The following NR3C2 variants were observed in gnomAD, a reference collection of about 807,000 sequenced individuals.
NR3C2 encodes mineralocorticoid receptor.
In NR3C2, 15 loss-of-function variants were observed where a neutral mutation model predicts 86.4. The observed-to-expected ratio is 0.17, with a 90% CI of 0.12 to 0.27. The LOEUF is 0.27. NR3C2 is among the 10% of genes least tolerant of loss of function. The pLI is 1.00. For missense variants in NR3C2, 960 were observed against 1,195.6 expected (o/e 0.80, Z 2.91); for synonymous variants, 458 against 450.5 (o/e 1.02, Z -0.21).
chr4:148,444,383 C>T (rs1750493553), upstream of NR3C2: 3 of 986,860 alleles, frequency 3.0e-6, no homozygotes, highest in South Asian at 1.4e-4. Context: ...GCGGGCAACT[C>T]GTCTCCTGCC....
At chr4:148,101,495 G>A (rs1176756471) in intron 8 of NR3C2, among the ~76,000 whole-genome samples, 1 of 152,142 alleles carries the variant, frequency 6.6e-6, no homozygotes, top group African/African-American at 2.4e-5. Context: ...GGAGAGGAAG[G>A]GTTCAGGACC....
chr4:148,106,714 T>C (rs1004891191), intron 8 of NR3C2, among the ~76,000 whole-genome samples: 1 of 152,016 alleles, frequency 6.6e-6, no homozygotes, highest in African/African-American at 2.4e-5. Context: ...ACACTGCACA[T>C]CTACAACCAT....
intron 3 of NR3C2, among the ~76,000 whole-genome samples, chr4:148,211,380 T>G (rs1737275017): frequency 6.6e-6 from 1 of 152,234 alleles, no homozygotes; most frequent in Non-Finnish European, 1.5e-5. Context: ...TTAAAAAGCT[T>G]TAGAATTTTT....
chr4:148,164,187 C>A (rs148408920), intron 4 of NR3C2, among the ~76,000 whole-genome samples: 71 of 152,274 alleles, frequency 4.7e-4, no homozygotes, highest in African/African-American at 6.5e-4. Context: ...TTTACTGTTA[C>A]AGACAGTTCA....
At chr4:148,242,499 G>A (rs536190976) in intron 3 of NR3C2, among the ~76,000 whole-genome samples, 4 of 152,338 alleles carry the variant, frequency 2.6e-5, no homozygotes, top group African/African-American at 7.2e-5. Context: ...TGAGCCACAT[G>A]TGAGAGGGGT....
intron 4 of NR3C2, among the ~76,000 whole-genome samples, chr4:148,180,362 T>A (rs1255985684): frequency 6.7e-6 from 1 of 148,410 alleles, no homozygotes; most frequent in Non-Finnish European, 1.5e-5. Flanking sequence ...TTTTTAAAAG[T>A]ATTGCACAGC....
At chr4:148,232,216 C>T (rs1485823965) in intron 3 of NR3C2, among the ~76,000 whole-genome samples, 4 of 152,176 alleles carry the variant, frequency 2.6e-5, no homozygotes, top group East Asian at 1.9e-4. Flanking sequence ...CCAGATCCAT[C>T]AGAGGAATCA....
At chr4:148,371,717 A>C (rs891442750) in intron 2 of NR3C2, among the ~76,000 whole-genome samples, 1 of 152,200 alleles carries the variant, frequency 6.6e-6, no homozygotes, top group Non-Finnish European at 1.5e-5. Flanking sequence ...GATAAAATAA[A>C]AACAGTACCT....
intron 3 of NR3C2, among the ~76,000 whole-genome samples, chr4:148,211,285 T>C (rs1290851106): frequency 6.6e-6 from 1 of 152,226 alleles, no homozygotes; most frequent in African/African-American, 2.4e-5. Flanking sequence ...AGATTGTGTA[T>C]GCATGTGTAT....
At chr4:148,425,447 C>T (rs768851280) in intron 2 of NR3C2, among the ~76,000 whole-genome samples, 3 of 152,166 alleles carry the variant, frequency 2.0e-5, no homozygotes, top group African/African-American at 7.2e-5. Flanking sequence ...GGGAGGGTGA[C>T]ATTTGAACTA....
At chr4:148,351,762 T>G (rs1394291811) in intron 2 of NR3C2, among the ~76,000 whole-genome samples, 1 of 152,190 alleles carries the variant, frequency 6.6e-6, no homozygotes, top group Non-Finnish European at 1.5e-5. Context: ...TGACTCACAG[T>G]GATAAACTCA....
intron 2 of NR3C2, among the ~76,000 whole-genome samples, chr4:148,371,432 C>A (rs1484366423): frequency 2.0e-5 from 3 of 151,964 alleles, no homozygotes. Flanking sequence ...TGCTTGAGAC[C>A]CCCTTGGGGT....
At chr4:148,322,919 TGAG>T (rs1743699908) in intron 2 of NR3C2, among the ~76,000 whole-genome samples, 1 of 143,906 alleles carries the variant, frequency 6.9e-6, no homozygotes, top group African/African-American at 2.6e-5. Context: ...CCGTTGCTGG[TGAG>T]GAACTGCGTT....
At chr4:148,212,926 A>G (rs1009218127) in intron 3 of NR3C2, among the ~76,000 whole-genome samples, 1 of 152,234 alleles carries the variant, frequency 6.6e-6, no homozygotes, top group African/African-American at 2.4e-5. Context: ...ACAGAACTAC[A>G]TACAATTACC....
intron 2 of NR3C2, among the ~76,000 whole-genome samples, chr4:148,344,284 T>C (rs1266653346): frequency 6.6e-6 from 1 of 152,130 alleles, no homozygotes. Flanking sequence ...AACTAAAACA[T>C]GATTAGAAGT....
intron 3 of NR3C2, among the ~76,000 whole-genome samples, chr4:148,241,200 G>T (rs746480241): frequency 4.7e-5 from 7 of 148,740 alleles, no homozygotes; most frequent in African/African-American, 1.2e-4. Flanking sequence ...CAGCAACTCA[G>T]GAGGCTGAGG....
chr4:148,136,092 C>CAAAAAAAACAA (rs1560940101), intron 6 of NR3C2, among the ~76,000 whole-genome samples: 2 of 137,658 alleles, frequency 1.5e-5, no homozygotes, highest in Admixed American at 7.2e-5. Flanking sequence ...AAAAAAAACA[C>CAAAAAAAACAA]CACCAAAACC....
intron 6 of NR3C2, among the ~76,000 whole-genome samples, chr4:148,141,877 C>T (rs1295193055): frequency 1.3e-5 from 2 of 152,182 alleles, no homozygotes; most frequent in Non-Finnish European, 2.9e-5. Flanking sequence ...ACCATCCCCA[C>T]ACCCTGCCAG....
At chr4:148,293,476 T>C (rs571966481) in intron 2 of NR3C2, among the ~76,000 whole-genome samples, 2 of 152,194 alleles carry the variant, frequency 1.3e-5, no homozygotes, top group Non-Finnish European at 2.9e-5. Flanking sequence ...CTACAAATGC[T>C]AAGTTTGGTT....
Sources: allele counts gnomAD v4.1 joint callset (sites outside exome capture counted in the v4.1 genomes callset), GRCh38; gene constraint gnomAD v4.1.1; transcripts MANE v1.5; gene names NCBI Gene and HGNC (gene_info 2026-07-23, HGNC 2026-07-21).